The following HSDL2 variants were observed in gnomAD, a reference collection of about 807,000 sequenced individuals.
HSDL2 encodes the protein hydroxysteroid dehydrogenase-like protein 2.
HSDL2 carries 27 observed loss-of-function variants against 46.3 expected under a neutral mutation model. That is an observed-to-expected ratio of 0.58 (90% CI 0.43 to 0.80). HSDL2 has a LOEUF of 0.80. Among genes scored for constraint, HSDL2 ranks in the 30% least tolerant of loss-of-function variants. The pLI, the probability that HSDL2 is intolerant of heterozygous loss-of-function variation, is 0.00. For synonymous variants in HSDL2, 153 were observed against 163.6 expected (o/e 0.94, Z 0.50); for missense variants, 451 against 502.7 (o/e 0.90, Z 0.98).
chr9:112,442,130 G>A (rs960782033), intron 8 of HSDL2, among the ~76,000 whole-genome samples: 41 of 151,786 alleles, frequency 2.7e-4, no homozygotes, highest in Middle Eastern at 3.4e-3. Flanking sequence ...TACGTTGGGC[G>A]TGGTGGCACG....
chr9:112,451,063 G>A (rs578144581), intron 8 of HSDL2, among the ~76,000 whole-genome samples: 3 of 152,128 alleles, frequency 2.0e-5, no homozygotes, highest in African/African-American at 7.2e-5. Flanking sequence ...TTAGCTGGGC[G>A]TAGTGGCACA....
chr9:112,454,021 C>T lies in HSDL2; in HGVS notation c.874C>T (p.Pro292Ser). 6.2e-7 allele frequency: 1 copy of T among 1,613,420 alleles called. No homozygotes were observed. The highest frequency in any genetic ancestry group is 1.1e-5 in the South Asian group (1 of 90,984). The stretch of plus-strand genomic sequence containing the variant: ...TCAATAATATCTTATAGGTGCTGTT[C>T]CAGAATTCAAAGAAGAGAAACTGCA... ...SKKVESTGAV[P>S]EFKEEKLQLQ... Residue 292 changes from proline (P) to serine (S), a missense_variant, in exon 9 of 11, where the codon CCA (proline) becomes TCA (serine). Pro to Ser is a moderately conservative substitution (Grantham distance 74, BLOSUM62 -1). Coordinates refer to ENST00000398805, the MANE Select transcript of HSDL2 (RefSeq NM_032303.5).
intron 10 of HSDL2, among the ~76,000 whole-genome samples, chr9:112,461,035 C>T (rs1587970328): frequency 6.6e-6 from 1 of 151,950 alleles, no homozygotes; most frequent in Non-Finnish European, 1.5e-5. Context: ...TCACTTAATA[C>T]ATTATAACAT....
At chr9:112,404,491 G>C (rs930422100) in intron 2 of HSDL2, among the ~76,000 whole-genome samples, 1 of 151,832 alleles carries the variant, frequency 6.6e-6, no homozygotes, top group East Asian at 1.9e-4. Context: ...CCAAGATCAT[G>C]CCACAGCACT....
At chr9:112,444,674 G>C (rs971623121) in intron 8 of HSDL2, among the ~76,000 whole-genome samples, 5 of 151,500 alleles carry the variant, frequency 3.3e-5, no homozygotes, top group African/African-American at 7.3e-5. Context: ...GGAGTTTGAG[G>C]TTGTAATGAG....
At chr9:112,391,813 G>A (rs1246656806) in intron 1 of HSDL2, among the ~76,000 whole-genome samples, 3 of 150,714 alleles carry the variant, frequency 2.0e-5, no homozygotes, top group Non-Finnish European at 2.9e-5. Flanking sequence ...GCTGACGCAC[G>A]AGAATCACTT....
intron 10 of HSDL2, among the ~76,000 whole-genome samples, chr9:112,467,170 A>C (rs1833417500): frequency 6.8e-6 from 1 of 146,830 alleles, no homozygotes; most frequent in Non-Finnish European, 1.5e-5. Context: ...AACAACCTAA[A>C]TGTCCATTAA....
intron 10 of HSDL2, among the ~76,000 whole-genome samples, chr9:112,467,073 A>G (rs1298401521): frequency 6.6e-6 from 1 of 152,232 alleles, no homozygotes; most frequent in African/African-American, 2.4e-5. Context: ...GTAAATATAT[A>G]CTCAAAAGAA....
intron 6 of HSDL2, among the ~76,000 whole-genome samples, chr9:112,435,229 C>G (rs1204453351): frequency 1.3e-5 from 2 of 148,590 alleles, no homozygotes; most frequent in Non-Finnish European, 3.0e-5. Flanking sequence ...TATAGACACT[C>G]ACACACACAC....
intron 1 of HSDL2, among the ~76,000 whole-genome samples, chr9:112,396,396 A>T (rs1243565669): frequency 6.6e-6 from 1 of 152,112 alleles, no homozygotes; most frequent in African/African-American, 2.4e-5. Flanking sequence ...TTTTCCTTGA[A>T]TGTGTATGGT....
chr9:112,444,993 C>T (rs994737440), intron 8 of HSDL2, among the ~76,000 whole-genome samples: 4 of 151,916 alleles, frequency 2.6e-5, no homozygotes, highest in Non-Finnish European at 5.9e-5. Context: ...ATCCTCTCAC[C>T]TCAGCCTCAC....
chr9:112,401,643 CAG>C (rs1564108223), intron 1 of HSDL2, among the ~76,000 whole-genome samples: 1 of 149,368 alleles, frequency 6.7e-6, no homozygotes. Context: ...GATTTAGACT[CAG>C]AGACCTAGGT....
At position 112,382,383 on chromosome 9, in the gene HSDL2, C is replaced by T. The variant is rs1026273909; in HGVS notation, c.17+2203C>T. Among the ~76,000 whole-genome samples, 7 of 152,126 alleles carry T rather than the reference C, an allele frequency of 4.6e-5. No homozygotes were observed. The East Asian group carries it at 5.8e-4, about 13-fold the overall frequency. On this transcript the variant is annotated intron_variant, in intron 1 of 10. Coordinates refer to ENST00000398805, the MANE Select transcript of HSDL2 (RefSeq NM_032303.5). ...CCTCTAATCCCACTTGTTGGCTAAC[C>T]GCAAAATAGTTAATGATGAAAATCT...
chr9:112,403,804 T>C (rs1036434466), intron 1 of HSDL2, among the ~76,000 whole-genome samples, 191 bp from the exon 2 acceptor site: 2 of 152,224 alleles, frequency 1.3e-5, no homozygotes, highest in African/African-American at 4.8e-5. Context: ...GCAGTTGTCA[T>C]AAATAATTTA....
At position 112,459,480 on chromosome 9, in the gene HSDL2, G is replaced by C; in HGVS notation, c.1047G>C (p.Leu349=). ...GEDGGTWFLD[L]KSKGGNVGYG... is the part of the protein sequence containing the mutation. ...ATGGTGGCACGTGGTTTCTTGATCT[G>C]AAAAGCAAGGGTGGGAATGTCGGAT... Residue 349 remains leucine (L), a synonymous_variant, in exon 10 of 11, where the codon CTG becomes CTC. Coordinates refer to ENST00000398805, the MANE Select transcript of HSDL2 (RefSeq NM_032303.5). The C allele has an allele frequency of 1.9e-6, 3 of 1,613,986 alleles. No homozygotes were observed. The highest frequency in any genetic ancestry group is 2.5e-6 in the Non-Finnish European group (3 of 1,179,866).
In HSDL2 at chr9:112,380,191, A is replaced by G. The variant is rs1249968640; in HGVS notation, c.17+11A>G. 2 of 1,563,346 alleles carry G rather than the reference A, an allele frequency of 1.3e-6. No individual in the cohort carries two copies. The highest frequency in any genetic ancestry group is 1.7e-6 in the Non-Finnish European group (2 of 1,154,046). ...GTTACCCAACACCGGGTAAGGGGGTAGGGGCGGCGCGGGGAGAGACCCTGT... is the reference window on the plus strand; with the variant it reads ...GTTACCCAACACCGGGTAAGGGGGTGGGGGCGGCGCGGGGAGAGACCCTGT... On this transcript the variant is annotated intron_variant, in intron 1 of 10. Coordinates refer to ENST00000398805, the MANE Select transcript of HSDL2 (RefSeq NM_032303.5).
chr9:112,421,744 C>A (rs1050731993), intron 6 of HSDL2, among the ~76,000 whole-genome samples: 17 of 152,100 alleles, frequency 1.1e-4, no homozygotes, highest in Non-Finnish European at 2.9e-5. Flanking sequence ...AAATTGGAAT[C>A]TTTTTCACTG....
In HSDL2 at chr9:112,464,213, GACACACACACAGAC is replaced by G. The variant is rs1178059942; in HGVS notation, c.1144+4648_1144+4661del. ...GAGACCCTGCTTCTACACACACACA[GACACACACACAGAC>G]ACACACACACACACACACACACACA... On this transcript the variant is annotated intron_variant, in intron 10 of 10. Transcript: ENST00000398805. 3.4e-3 allele frequency among the ~76,000 whole-genome samples: 494 copies of G among 146,722 alleles called. 4 individuals are homozygous for G. The highest frequency in any genetic ancestry group is 0.014 in the Middle Eastern group (4 of 290).
chr9:112,454,181 A>C lies in HSDL2; in HGVS notation c.1015+19A>C. 6.3e-7 allele frequency: 1 copy of C among 1,592,696 alleles called. No individual in the cohort carries two copies. The highest frequency in any genetic ancestry group is 1.1e-5 in the South Asian group (1 of 87,584). On this transcript the variant is annotated intron_variant, in intron 9 of 10. Transcript: ENST00000398805. Reference sequence around the variant, plus strand: ...CTCTCCGGTAAGGACTGCATCTGGTAATCTGAAGTTTTTATGAAACAAAAT... The same window carrying C: ...CTCTCCGGTAAGGACTGCATCTGGTCATCTGAAGTTTTTATGAAACAAAAT...
Sources: gnomAD v4.1 joint callset for allele counts (sites outside exome capture counted in the v4.1 genomes callset) on GRCh38, gnomAD v4.1.1 for gene constraint, MANE v1.5 for transcripts, NCBI Gene and HGNC (gene_info 2026-07-23, HGNC 2026-07-21) for gene names.